The following THSD7A variants were observed in gnomAD, a reference collection of about 807,000 sequenced individuals.
THSD7A encodes the protein thrombospondin type-1 domain-containing protein 7A.
A neutral mutation model predicts 231.3 loss-of-function variants in THSD7A; 96 were observed. That is an observed-to-expected ratio of 0.41 (90% confidence interval 0.35 to 0.49). The LOEUF is 0.49. THSD7A is among the 20% of genes least tolerant of loss of function. THSD7A has a pLI of 0.05. For missense variants in THSD7A, 2,290 were observed against 2,070.2 expected, an observed-to-expected ratio of 1.11 and a Z score of -2.06; for synonymous variants, 940 against 743.3, an observed-to-expected ratio of 1.26 and a Z score of -4.30.
intron 1 of THSD7A, among the ~76,000 whole-genome samples, chr7:11,716,126 C>A (rs1045641112): frequency 6.6e-6 from 1 of 151,476 alleles, no homozygotes; most frequent in Non-Finnish European, 1.5e-5. Flanking sequence ...TTCTTTCTAG[C>A]CATACCTCCT....
intron 23 of THSD7A, among the ~76,000 whole-genome samples, chr7:11,388,922 G>A (rs1045874920): frequency 6.6e-6 from 1 of 152,180 alleles, no homozygotes; most frequent in African/African-American, 2.4e-5. Context: ...AGTTTTGAGT[G>A]AGTTTCTTAA....
Position 11,550,045 on chromosome 7 carries a change from CTA to C in THSD7A, c.1454-6930_1454-6929del, listed in dbSNP as rs1413945663. On this transcript the variant is annotated intron_variant, in intron 4 of 27. Transcript: ENST00000423059. ...CCAAATAGGAAGAGATAAGGTAAAA[CTA>C]TCTCTCTTCACAGATGATATGCTTT... Among the ~76,000 whole-genome samples the C allele has an allele frequency of 2.6e-5, 4 of 152,088 alleles. No homozygotes were observed. In the East Asian group the frequency reaches 5.8e-4, roughly 22 times the overall value.
chr7:11,455,025 C>A (rs982788196), intron 11 of THSD7A, among the ~76,000 whole-genome samples: 3 of 151,976 alleles, frequency 2.0e-5, no homozygotes, highest in African/African-American at 7.2e-5. Flanking sequence ...AAGGTGAGGT[C>A]ATGAGTGTGA....
chr7:11,605,854 C>T (rs1780717432), intron 2 of THSD7A, among the ~76,000 whole-genome samples: 1 of 152,112 alleles, frequency 6.6e-6, no homozygotes, highest in South Asian at 2.1e-4. Context: ...AGCTATGTTG[C>T]TGCTGGCACA....
chr7:11,415,695 G>A, intron 17 of THSD7A, among the ~76,000 whole-genome samples: 1 of 152,132 alleles, frequency 6.6e-6, no homozygotes, highest in South Asian at 2.1e-4. Context: ...CTTCCTAAGT[G>A]CCTTCCCCCA....
At chr7:11,385,494 G>C (rs1782694980) in intron 23 of THSD7A, 1 of 151,940 alleles carries the variant, frequency 6.6e-6, no homozygotes, top group Non-Finnish European at 1.5e-5. Context: ...TTGTGAAAGT[G>C]AACTGAATTT....
chr7:11,751,496 C>G (rs995659652), intron 1 of THSD7A: 25 of 151,946 alleles, frequency 1.6e-4, no homozygotes, highest in African/African-American at 5.8e-4. Flanking sequence ...AGAAAATGGG[C>G]GCTCTGACTC....
intron 6 of THSD7A, among the ~76,000 whole-genome samples, chr7:11,538,757 GTTT>G (rs1460682379): frequency 6.6e-5 from 10 of 151,916 alleles, no homozygotes; most frequent in Admixed American, 1.3e-4. Context: ...ACATCCCTCT[GTTT>G]TCTTCTCTGA....
At chr7:11,775,230 C>A (rs928020013) in intron 1 of THSD7A, among the ~76,000 whole-genome samples, 4 of 152,006 alleles carry the variant, frequency 2.6e-5, no homozygotes, top group Non-Finnish European at 4.4e-5. Flanking sequence ...AAATTGGAAC[C>A]CTTGTGCTTT....
intron 1 of THSD7A, among the ~76,000 whole-genome samples, chr7:11,820,118 C>T (rs1784824956): frequency 6.6e-6 from 1 of 152,194 alleles, no homozygotes; most frequent in African/African-American, 2.4e-5. Context: ...GCCTGACCCC[C>T]GGGCTCCACC....
chr7:11,477,257 T>C (rs1786230548), intron 7 of THSD7A, among the ~76,000 whole-genome samples: 1 of 152,202 alleles, frequency 6.6e-6, no homozygotes, highest in African/African-American at 2.4e-5. Context: ...TTAGACACTT[T>C]GGAAGATTAA....
intron 2 of THSD7A, among the ~76,000 whole-genome samples, chr7:11,626,143 T>C (rs955181514): frequency 4.6e-5 from 7 of 152,170 alleles, no homozygotes; most frequent in Middle Eastern, 6.3e-3. Flanking sequence ...TTTAAAATAC[T>C]ACCTAGGACC....
At chr7:11,418,813 C>A (rs575947285) in intron 16 of THSD7A, among the ~76,000 whole-genome samples, 71 of 152,110 alleles carry the variant, frequency 4.7e-4, no homozygotes, top group Non-Finnish European at 7.5e-4. Flanking sequence ...AAACAAATAC[C>A]TACCTGTGCA....
In THSD7A at chr7:11,538,610, T is replaced by G. The variant is rs186373370; in HGVS notation, c.1822+2809A>C. Among the ~76,000 whole-genome samples the G allele has an allele frequency of 3.5e-3, 535 of 152,318 alleles. 8 individuals carry two copies. Among genetic ancestry groups the G allele is most frequent in the African/African-American group, 0.012 (514 of 41,564 alleles). ...GATCTTTGGAGTAGGTTCCTGCGTTTGTGTTCAGAGACCTGGAATTGTGTA... is the reference window on the plus strand; with the variant it reads ...GATCTTTGGAGTAGGTTCCTGCGTTGGTGTTCAGAGACCTGGAATTGTGTA... On this transcript the variant is annotated intron_variant, in intron 6 of 27. Transcript: ENST00000423059.
chr7:11,530,603 G>A (rs1788663932), intron 6 of THSD7A, among the ~76,000 whole-genome samples: 1 of 152,138 alleles, frequency 6.6e-6, no homozygotes, highest in African/African-American at 2.4e-5. Context: ...AATGTACAAT[G>A]GTGTAATGAA....
At chr7:11,817,855 T>C (rs1784753340) in intron 1 of THSD7A, among the ~76,000 whole-genome samples, 2 of 151,808 alleles carry the variant, frequency 1.3e-5, no homozygotes, top group South Asian at 2.1e-4. Flanking sequence ...GGCTCAGAAG[T>C]CTGTTCTTAA....
chr7:11,743,372 G>A (rs1289297562), intron 1 of THSD7A, among the ~76,000 whole-genome samples: 1 of 151,728 alleles, frequency 6.6e-6, no homozygotes, highest in Non-Finnish European at 1.5e-5. Flanking sequence ...TATTCACCTT[G>A]ACCTGAGACA....
chr7:11,483,255 G>T (rs1786503805), intron 6 of THSD7A, among the ~76,000 whole-genome samples: 1 of 152,096 alleles, frequency 6.6e-6, no homozygotes, highest in South Asian at 2.1e-4. Flanking sequence ...CAGAAAATCA[G>T]AGTAAATTGC....
chr7:11,530,480 A>C (rs187085762), intron 6 of THSD7A, among the ~76,000 whole-genome samples: 1 of 152,338 alleles, frequency 6.6e-6, no homozygotes, highest in East Asian at 1.9e-4. Context: ...CAGTGCTAGG[A>C]AACAGTCACA....
Sources: gnomAD v4.1 joint callset for allele counts (sites outside exome capture counted in the v4.1 genomes callset) on GRCh38, gnomAD v4.1.1 for gene constraint, MANE v1.5 for transcripts, NCBI Gene and HGNC (gene_info 2026-07-23, HGNC 2026-07-21) for gene names.